Variants in TAF1C observed in about 807,000 individuals in gnomAD.
TAF1C encodes TATA box-binding protein-associated factor RNA polymerase I subunit C.
A neutral mutation model predicts 70.5 loss-of-function variants in TAF1C; 79 were observed. The ratio of observed to expected loss-of-function variants is 1.12; its 90% CI spans 0.93 to 1.35. The LOEUF (loss-of-function observed/expected upper bound fraction) is 1.35. TAF1C is among the 40% of genes most tolerant of loss of function. TAF1C has a pLI of 0.00. For missense variants in TAF1C, 1,412 were observed against 1,127.8 expected (o/e 1.25, Z -3.61); for synonymous variants, 614 against 491.1 (o/e 1.25, Z -3.31).
At position 84,184,939 on chromosome 16, in the gene TAF1C, A is replaced by C; in HGVS notation, c.50T>G (p.Leu17Arg). 1 of 1,613,880 alleles carries C rather than the reference A, an allele frequency of 6.2e-7. No homozygotes were observed. The highest frequency in any genetic ancestry group is 2.2e-5 in the East Asian group (1 of 44,856). Residue 17 changes from leucine (L) to arginine (R), a missense_variant, in exon 2 of 15, where the codon CTT (leucine) becomes CGT (arginine). Leu to Arg is a moderately radical substitution (Grantham distance 102). Coordinates refer to ENST00000566732, the MANE Select transcript of TAF1C (RefSeq NM_001243156.2). ...GAGGTCAGGGACGTCGCTCAGACCA[A>C]GGGGGCCGGTCAGAAACAATGCAGG... ...LRPALFLTGPLGLSDVPDLSF... is the reference protein window; with the variant it reads ...LRPALFLTGPRGLSDVPDLSF...
At chr16:84,183,218 C>A in intron 5 of TAF1C, 26 bp downstream of exon 5, 6 of 1,613,930 alleles carry the variant, frequency 3.7e-6, no homozygotes, top group Non-Finnish European at 5.1e-6. Context: ...AGGGAGTCCC[C>A]ACCCCTGGAG....
intron 1 of TAF1C, among the ~76,000 whole-genome samples, chr16:84,186,411 G>A (rs2089491697): frequency 3.9e-5 from 6 of 152,138 alleles, no homozygotes; most frequent in Admixed American, 3.9e-4. Flanking sequence ...AAAATTAGCC[G>A]GGCGTGGTGG....
At position 84,182,133 on chromosome 16, in the gene TAF1C, C is replaced by T; in HGVS notation, c.721+69G>A. 1 of 1,590,892 alleles carries T rather than the reference C, an allele frequency of 6.3e-7. No individual in the cohort carries two copies. Among genetic ancestry groups the T allele is most frequent in the Non-Finnish European group, 8.6e-7 (1 of 1,167,136 alleles). On this transcript the variant is annotated intron_variant, in intron 7 of 14. Coordinates refer to ENST00000566732, the MANE Select transcript of TAF1C (RefSeq NM_001243156.2). This position sits in a 1 kb window ranked among gnomAD's most constrained non-coding sequence, Gnocchi z 5.0. Reference sequence around the variant, plus strand: ...CCCCAAATTCCTGCCCTTCTCTGGACCATGCCAAGAGCACCTCCTCTACCA... The same window carrying T: ...CCCCAAATTCCTGCCCTTCTCTGGATCATGCCAAGAGCACCTCCTCTACCA...
At position 84,181,877 on chromosome 16, in the gene TAF1C, G is replaced by T. The variant is rs748038966; in HGVS notation, c.839-14C>A. On this transcript the variant is annotated splice_polypyrimidine_tract_variant and intron_variant, in intron 8 of 14. Coordinates refer to ENST00000566732, the MANE Select transcript of TAF1C (RefSeq NM_001243156.2). ...CGGCCAGCAGAGCTGAGGAGGGATG[G>T]AAAGGGCCAGGGGTCAGGTAGCAGG... 10 of 1,614,192 alleles carry T rather than the reference G, an allele frequency of 6.2e-6. No homozygotes were observed. Among genetic ancestry groups the T allele is most frequent in the Non-Finnish European group, 8.5e-6 (10 of 1,180,028 alleles).
Position 84,181,434 on chromosome 16 carries a change from G to T in TAF1C, c.1058C>A (p.Thr353Asn), listed in dbSNP as rs1348576125. 2 of 1,613,838 alleles carry T rather than the reference G, an allele frequency of 1.2e-6. No individual in the cohort carries two copies. The highest frequency in any genetic ancestry group is 3.3e-5 in the Admixed American group (2 of 60,022). Residue 353 changes from threonine (T) to asparagine (N), a missense_variant, in exon 11 of 15, where the codon ACC becomes AAC. Physicochemically the swap from Thr to Asn is moderately conservative, Grantham distance 65. Coordinates refer to ENST00000566732, the MANE Select transcript of TAF1C (RefSeq NM_001243156.2). Reference sequence around the variant, plus strand: ...CGAAGAGGAGTCCCGGAACACGAGGGTCTCAGGGTCCCTGTAGATTTGCCG... The same window carrying T: ...CGAAGAGGAGTCCCGGAACACGAGGTTCTCAGGGTCCCTGTAGATTTGCCG... ...GLRQIYRDPE[T>N]LVFRDSSSWR...
intron 5 of TAF1C, 43 bp downstream of exon 5, chr16:84,183,201 G>A (rs1406602557): frequency 1.2e-6 from 2 of 1,613,874 alleles, no homozygotes; most frequent in South Asian, 1.1e-5. Context: ...CACCCCTGAA[G>A]GACAGCAGGG....
Position 84,178,450 on chromosome 16 carries a change from G to C in TAF1C, c.*491C>G. On this transcript the variant is annotated 3_prime_UTR_variant, in exon 15 of 15. Coordinates refer to ENST00000566732, the MANE Select transcript of TAF1C (RefSeq NM_001243156.2). ...AGGCATCTCCCTGTAGGAAACATCA[G>C]ACCGGGGCAGAGATTGACAAAGCAA... 2.2e-6 allele frequency: 1 copy of C among 458,704 alleles called. No individual in the cohort carries two copies. Among genetic ancestry groups the C allele is most frequent in the South Asian group, 1.5e-5 (1 of 64,580 alleles). The allele number at this position is 458,704 out of a possible 1,614,324, so 28.4% of individuals were successfully genotyped here.
intron 12 of TAF1C, chr16:84,180,716 C>G: frequency 1.9e-6 from 2 of 1,051,584 alleles, no homozygotes; most frequent in East Asian, 3.4e-5. Flanking sequence ...GGAGGACAGA[C>G]CTGCTTCCTC....
Position 84,182,865 on chromosome 16 carries a change from G to T in TAF1C, c.482+211C>A, listed in dbSNP as rs1458017268. ...TCTATGAACATTATTTGAACACCTG[G>T]ATGCAGCTGTGCCTGAACTCCACAA... On this transcript the variant is annotated intron_variant, in intron 6 of 14. Transcript: ENST00000566732. This position sits in a 1 kb window ranked among gnomAD's most constrained non-coding sequence, Gnocchi z 5.0. 6.6e-6 allele frequency among the ~76,000 whole-genome samples: 1 copy of T among 152,210 alleles called. No homozygotes were observed. Among genetic ancestry groups the T allele is most frequent in the Non-Finnish European group, 1.5e-5 (1 of 68,032 alleles).
chr16:84,184,383 A>AG (rs1252404728), intron 2 of TAF1C, among the ~76,000 whole-genome samples: 1 of 152,096 alleles, frequency 6.6e-6, no homozygotes, highest in Admixed American at 6.5e-5. Context: ...GGTGTTTCCA[A>AG]GGGGAACTAG....
intron 12 of TAF1C, 35 bp from the exon 13 acceptor site, chr16:84,180,379 C>T (rs754856344): frequency 6.5e-7 from 1 of 1,529,072 alleles, no homozygotes; most frequent in Non-Finnish European, 8.7e-7. Flanking sequence ...TGTGGCCGAA[C>T]TTGGGAGCTG....
rs774047910 is a variant in TAF1C at position 84,183,527 on chromosome 16, A to G, written c.221-20T>C. On this transcript the variant is annotated intron_variant, in intron 3 of 14. Coordinates refer to ENST00000566732, the MANE Select transcript of TAF1C (RefSeq NM_001243156.2). Reference sequence around the variant, plus strand: ...AGGGATCTGAGAAGGAGGTTACGGAAAGGGCTGGGGAGGGCACAGGAGTGC... The same window carrying G: ...AGGGATCTGAGAAGGAGGTTACGGAGAGGGCTGGGGAGGGCACAGGAGTGC... 1.2e-6 allele frequency: 2 copies of G among 1,601,242 alleles called. No individual in the cohort carries two copies. Among genetic ancestry groups the G allele is most frequent in the South Asian group, 2.2e-5 (2 of 89,216 alleles).
rs2089403548 is a variant in TAF1C, at chr16:84,184,962, AG to A, written c.26del (p.Pro9LeufsTer5). 1 of 1,613,698 alleles carries A rather than the reference AG, an allele frequency of 6.2e-7. No homozygotes were observed. Among genetic ancestry groups the A allele is most frequent in the Admixed American group, 1.7e-5 (1 of 59,966 alleles). On this transcript the variant is annotated frameshift_variant, in exon 2 of 15. Coordinates refer to ENST00000566732, the MANE Select transcript of TAF1C (RefSeq NM_001243156.2). LOFTEE classifies it high-confidence loss of function. ...CAAGGGGGCCGGTCAGAAACAATGC[AG>A]GGCGGAGGGAGCTGGGGAAGTCCAT... is the stretch of plus-strand genomic sequence containing the variant. MDFPSSLRPALFLTGPLGL... is the reference protein window; with the variant it reads MDFPSSLRXALFLTGPLGL...
chr16:84,186,692 T>C (rs901974978), intron 1 of TAF1C, among the ~76,000 whole-genome samples: 2 of 152,186 alleles, frequency 1.3e-5, no homozygotes, highest in African/African-American at 4.8e-5. Flanking sequence ...CCGGCCGGCT[T>C]CCCGCCCTCG....
In TAF1C at chr16:84,184,917, G is replaced by A. The variant is rs769420027; in HGVS notation, c.72C>T (p.Asp24=). The change falls in exon 2 of 15, where the codon GAC becomes GAT. Residue 24 remains aspartate, a synonymous_variant. Coordinates refer to ENST00000566732, the MANE Select transcript of TAF1C (RefSeq NM_001243156.2). ...CTCGCCAGCTGCACATGAAAGAGAGGTCAGGGACGTCGCTCAGACCAAGGG... is the reference window on the plus strand; with the variant it reads ...CTCGCCAGCTGCACATGAAAGAGAGATCAGGGACGTCGCTCAGACCAAGGG... The part of the protein sequence containing the change: ...TGPLGLSDVP[D]LSFMCSWRDA... 7.4e-6 allele frequency: 12 copies of A among 1,613,720 alleles called. No homozygotes were observed. The highest frequency in any genetic ancestry group is 2.2e-5 in the South Asian group (2 of 90,978).
rs2088940848 is a variant in TAF1C, at chr16:84,179,230, G to A, written c.2243C>T (p.Ser748Phe). 6 of 1,584,866 alleles carry A rather than the reference G, an allele frequency of 3.8e-6. No individual in the cohort carries two copies. The highest frequency in any genetic ancestry group is 4.5e-5 in the East Asian group (2 of 44,104). ...GHVDPSEDTS[S>F]PHSPEWPPAD... is the part of the protein sequence containing the mutation. ...AGGTGGCCACTCAGGGCTATGAGGG[G>A]AGCTGGTGTCCTCTGAGGGATCCAC... Residue 748 changes from serine to phenylalanine, a missense_variant, in exon 15 of 15, where the codon TCC (serine) becomes TTC (phenylalanine). Physicochemically the swap from Ser to Phe is radical, Grantham distance 155. Coordinates refer to ENST00000566732, the MANE Select transcript of TAF1C (RefSeq NM_001243156.2).
Position 84,179,191 on chromosome 16 carries a change from G to GGCAGA in TAF1C, c.2277_2281dup (p.Pro761LeufsTer14). On this transcript the variant is annotated frameshift_variant, in exon 15 of 15. Transcript: ENST00000566732. LOFTEE classifies it low-confidence loss of function (END_TRUNC). Reference sequence around the variant, plus strand: ...GGAGGGCGGGGTCGTGGGGGGCAGGGGCAGAGCATCAGCAGGTGGCCACTC... The same window carrying GGCAGA: ...GGAGGGCGGGGTCGTGGGGGGCAGGGGCAGAGCAGAGCATCAGCAGGTGGCCACTC... 6.3e-6 allele frequency: 10 copies of GGCAGA among 1,590,384 alleles called. No individual in the cohort carries two copies. The highest frequency in any genetic ancestry group is 8.5e-6 in the Non-Finnish European group (10 of 1,174,306).
chr16:84,184,239 G>A (rs528566688), intron 2 of TAF1C, among the ~76,000 whole-genome samples: 9 of 152,322 alleles, frequency 5.9e-5, no homozygotes, highest in African/African-American at 2.2e-4. Context: ...GACTCCCAGA[G>A]GAGCCCCAAT....
At position 84,181,640 on chromosome 16, in the gene TAF1C, G is replaced by A. The variant is rs2089201872; in HGVS notation, c.980C>T (p.Ala327Val). 1 of 1,613,706 alleles carries A rather than the reference G, an allele frequency of 6.2e-7. No individual in the cohort carries two copies. The highest frequency in any genetic ancestry group is 8.5e-7 in the Non-Finnish European group (1 of 1,179,994). The change falls in exon 10 of 15, where the codon GCC becomes GTC. Residue 327 changes from alanine to valine, a missense_variant. Ala to Val is a moderately conservative substitution (Grantham distance 64, BLOSUM62 0). Transcript: ENST00000566732. ...GACGGCTCCCGAGCGGCTGCAGATG[G>A]CCAGCTCCCCGGGCAGGTGAGGGCT... is the stretch of plus-strand genomic sequence containing the variant. The part of the protein sequence containing the change: ...SLSPHLPGEL[A>V]ICSRSGAVCL...
Sources: allele counts gnomAD v4.1 joint callset (sites outside exome capture counted in the v4.1 genomes callset), GRCh38; gene constraint gnomAD v4.1.1; non-coding constraint Gnocchi (gnomAD v3.1); transcripts MANE v1.5; gene names NCBI Gene and HGNC (gene_info 2026-07-23, HGNC 2026-07-21).